The following TBCA variants were observed in gnomAD, a reference collection of about 807,000 sequenced individuals.
The protein encoded by TBCA is tubulin folding cofactor A.
In TBCA, 6 loss-of-function variants were observed where a neutral mutation model predicts 15.8. The ratio of observed to expected loss-of-function variants is 0.38; its 90% CI spans 0.21 to 0.75. The LOEUF is 0.75. Among genes scored for constraint, TBCA ranks in the 30% least tolerant of loss-of-function variants. The pLI is 0.46. For synonymous variants in TBCA, 32 were observed against 42.3 expected (o/e 0.76, Z 0.94); for missense variants, 90 against 131.2 (o/e 0.69, Z 1.53).
chr5:77,718,278 T>C (rs190301447), intron 1 of TBCA, among the ~76,000 whole-genome samples: 2 of 152,338 alleles, frequency 1.3e-5, no homozygotes, highest in East Asian at 3.9e-4. Flanking sequence ...AGGTGTTGAA[T>C]AGTAAAATAT....
chr5:77,692,624 T>G (rs1745779461), intron 3 of TBCA: 1 of 985,306 alleles, frequency 1.0e-6, no homozygotes, highest in African/African-American at 1.7e-5. Flanking sequence ...TATTACTTTC[T>G]CAGCTACTAG....
intron 1 of TBCA, among the ~76,000 whole-genome samples, chr5:77,716,648 C>A (rs2112450160): frequency 6.6e-6 from 1 of 152,306 alleles, no homozygotes; most frequent in South Asian, 2.1e-4. Context: ...AGTACCTTGT[C>A]CAAGTTCTCA....
intron 1 of TBCA, among the ~76,000 whole-genome samples, chr5:77,764,999 A>G (rs1747737588): frequency 6.6e-6 from 1 of 152,074 alleles, no homozygotes; most frequent in African/African-American, 2.4e-5. Context: ...TTTTAAATAT[A>G]TTTGTTAATT....
At chr5:77,696,708 G>A (rs1686772520) in intron 2 of TBCA, among the ~76,000 whole-genome samples, 1 of 152,156 alleles carries the variant, frequency 6.6e-6, no homozygotes, top group African/African-American at 2.4e-5. Context: ...GATAGCTTGA[G>A]GCCAGTAGTT....
At chr5:77,761,591 T>C (rs1487102375) in intron 1 of TBCA, among the ~76,000 whole-genome samples, 1 of 151,700 alleles carries the variant, frequency 6.6e-6, no homozygotes, top group East Asian at 1.9e-4. Context: ...CCTATGACCC[T>C]GCCACATCCC....
intron 3 of TBCA, 69 bp downstream of exon 3, chr5:77,693,197 A>C: frequency 6.3e-7 from 1 of 1,578,826 alleles, no homozygotes; most frequent in Non-Finnish European, 8.6e-7. Flanking sequence ...TTAAATATTT[A>C]AACTTTTGGC....
At chr5:77,769,824 T>C (rs1464851012) in intron 1 of TBCA, among the ~76,000 whole-genome samples, 1 of 152,184 alleles carries the variant, frequency 6.6e-6, no homozygotes, top group Non-Finnish European at 1.5e-5. Flanking sequence ...CAGTGTGAAT[T>C]GTCCTAGTCT....
intron 1 of TBCA, among the ~76,000 whole-genome samples, chr5:77,735,057 T>C (rs1294035460): frequency 6.6e-6 from 1 of 152,194 alleles, no homozygotes; most frequent in Non-Finnish European, 1.5e-5. Flanking sequence ...AGAGCAAACA[T>C]AACTTTTATA....
intron 1 of TBCA, among the ~76,000 whole-genome samples, chr5:77,773,449 T>C (rs1254469186): frequency 1.3e-5 from 2 of 152,236 alleles, no homozygotes; most frequent in Non-Finnish European, 1.5e-5. Context: ...CCACATACTG[T>C]ATTAAACAGC....
At chr5:77,751,527 A>G (rs933952887) in intron 1 of TBCA, among the ~76,000 whole-genome samples, 7 of 151,648 alleles carry the variant, frequency 4.6e-5, no homozygotes, top group Non-Finnish European at 8.8e-5. Flanking sequence ...CCAAGAAGGG[A>G]GTCCATTAAG....
At chr5:77,728,163 C>A (rs2112464295) in intron 1 of TBCA, among the ~76,000 whole-genome samples, 1 of 152,146 alleles carries the variant, frequency 6.6e-6, no homozygotes, top group African/African-American at 2.4e-5. Flanking sequence ...TAGAATAATA[C>A]ATTTCAAAAC....
chr5:77,739,953 G>T (rs949882434), intron 1 of TBCA, among the ~76,000 whole-genome samples: 1 of 152,140 alleles, frequency 6.6e-6, no homozygotes, highest in Non-Finnish European at 1.5e-5. Flanking sequence ...TTAAATGTGG[G>T]GCTAGGGGAG....
At chr5:77,745,342 TTGTAAA>T (rs1278080539) in intron 1 of TBCA, among the ~76,000 whole-genome samples, 1 of 152,236 alleles carries the variant, frequency 6.6e-6, no homozygotes, top group Admixed American at 6.5e-5. Context: ...AAGCAGTACT[TTGTAAA>T]TGTATTATTT....
chr5:77,757,641 C>G (rs895849538), intron 1 of TBCA, among the ~76,000 whole-genome samples: 1 of 152,196 alleles, frequency 6.6e-6, no homozygotes, highest in Admixed American at 6.5e-5. Flanking sequence ...CAAGCTGGTA[C>G]CAAGCACCAA....
Position 77,701,697 on chromosome 5 carries a change from ATATATATATATATATAT to A in TBCA, c.159+6528_159+6544del. On this transcript the variant is annotated intron_variant, in intron 2 of 3. Transcript: ENST00000380377. Reference sequence around the variant, plus strand: ...CTGTGGCATGCATATATATATATATATATATATATATATATATATATATATATATGATGGAATACTAC... The same window carrying A: ...CTGTGGCATGCATATATATATATATAATATATATATATGATGGAATACTAC... Among the ~76,000 whole-genome samples the A allele has an allele frequency of 1.6e-5, 2 of 127,622 alleles. 1 individual carries two copies. Among genetic ancestry groups the A allele is most frequent in the South Asian group, 5.2e-4 (2 of 3,882 alleles). The allele number at this position is 127,622 out of a possible 152,430, so 83.7% of individuals were successfully genotyped here.
chr5:77,706,426 A>G (rs1746150729), intron 2 of TBCA, among the ~76,000 whole-genome samples: 1 of 152,178 alleles, frequency 6.6e-6, no homozygotes. Flanking sequence ...AAGTATGCCA[A>G]CAGGGAGGCT....
At chr5:77,702,969 G>A (rs577122009) in intron 2 of TBCA, among the ~76,000 whole-genome samples, 2 of 152,174 alleles carry the variant, frequency 1.3e-5, no homozygotes, top group South Asian at 4.2e-4. Context: ...TGGTCAAAGG[G>A]GGATCTTCTT....
intron 3 of TBCA, chr5:77,693,011 T>C: frequency 7.0e-7 from 1 of 1,422,060 alleles, no homozygotes; most frequent in Admixed American, 3.1e-5. Context: ...ACTGGTACTA[T>C]CATAACTTAA....
At chr5:77,695,511 T>G (rs1166242573) in intron 2 of TBCA, among the ~76,000 whole-genome samples, 2 of 152,180 alleles carry the variant, frequency 1.3e-5, no homozygotes, top group Non-Finnish European at 2.9e-5. Flanking sequence ...GGCTATGATT[T>G]GGAATCCACA....
Sources: allele counts gnomAD v4.1 joint callset (sites outside exome capture counted in the v4.1 genomes callset), GRCh38; gene constraint gnomAD v4.1.1; transcripts MANE v1.5; gene names NCBI Gene and HGNC (gene_info 2026-07-23, HGNC 2026-07-21).